PAK2: variants seen among roughly 807,000 people sequenced by gnomAD.
PAK2 encodes serine/threonine-protein kinase PAK 2.
PAK2 carries 21 observed loss-of-function variants against 65.9 expected under a neutral mutation model. The observed-to-expected ratio is 0.32, with a 90% CI of 0.23 to 0.46. The LOEUF (loss-of-function observed/expected upper bound fraction) is 0.46, where lower values mean the gene tolerates loss of function less well. PAK2 is among the 20% of genes least tolerant of loss of function. PAK2 has a pLI of 1.00. For missense variants in PAK2, 324 were observed against 642.6 expected (o/e 0.50, Z 5.36); for synonymous variants, 204 against 219.7 (o/e 0.93, Z 0.63).
chr3:196,811,314 CTTT>C (rs1560113867), intron 8 of PAK2, among the ~76,000 whole-genome samples: 1 of 17,036 alleles, frequency 5.9e-5, no homozygotes, highest in Non-Finnish European at 1.1e-4. Context: ...CCTTCCCTTC[CTTT>C]CCTTCCTTCC....
intron 1 of PAK2, among the ~76,000 whole-genome samples, chr3:196,753,808 T>G (rs1219992500): frequency 6.6e-6 from 1 of 152,232 alleles, no homozygotes; most frequent in East Asian, 1.9e-4. Context: ...TAAAAATATT[T>G]TGACAGATTC....
chr3:196,747,663 A>G (rs991350775), intron 1 of PAK2, among the ~76,000 whole-genome samples: 1 of 152,208 alleles, frequency 6.6e-6, no homozygotes, highest in Non-Finnish European at 1.5e-5. Context: ...ACAGAGTTTT[A>G]TACATAACCT....
At chr3:196,751,804 G>A (rs531465502) in intron 1 of PAK2, among the ~76,000 whole-genome samples, 28 of 139,616 alleles carry the variant, frequency 2.0e-4, no homozygotes, top group Admixed American at 3.0e-4. Context: ...GTACAATGGC[G>A]CAGTCTCAGC....
At chr3:196,790,746 C>T (rs144436819) in intron 2 of PAK2, among the ~76,000 whole-genome samples, 1 of 152,300 alleles carries the variant, frequency 6.6e-6, no homozygotes, top group Non-Finnish European at 1.5e-5. Flanking sequence ...CAACCATCGG[C>T]CTCAACTAGC....
At chr3:196,814,798 T>A (rs1715940533) in intron 11 of PAK2, among the ~76,000 whole-genome samples, 1 of 152,162 alleles carries the variant, frequency 6.6e-6, no homozygotes, top group African/African-American at 2.4e-5. Flanking sequence ...AAGATCCAGA[T>A]TCACAAGGAA....
chr3:196,783,830 C>G (rs1314402923), intron 2 of PAK2, among the ~76,000 whole-genome samples: 1 of 152,120 alleles, frequency 6.6e-6, no homozygotes, highest in East Asian at 1.9e-4. Context: ...ATTATGCTGT[C>G]TGCATTTTTT....
intron 1 of PAK2, among the ~76,000 whole-genome samples, chr3:196,777,505 A>G (rs1381827460): frequency 6.6e-6 from 1 of 152,216 alleles, no homozygotes; most frequent in Non-Finnish European, 1.5e-5. Context: ...TGCCCAGCCA[A>G]AAACTTGTTT....
At chr3:196,740,907 A>G (rs936753424) in intron 1 of PAK2, among the ~76,000 whole-genome samples, 45 of 151,772 alleles carry the variant, frequency 3.0e-4, no homozygotes, top group African/African-American at 1.0e-3. Flanking sequence ...CTAATTCTTT[A>G]AAGATAAGTC....
In PAK2 at chr3:196,816,999, C is replaced by T. The variant is rs75931321; in HGVS notation, c.1054-1058C>T. Among the ~76,000 whole-genome samples the T allele has an allele frequency of 8.6e-3, 1,310 of 152,098 alleles. 13 individuals are homozygous for T. Among genetic ancestry groups the T allele is most frequent in the African/African-American group, 0.028 (1,178 of 41,492 alleles). ...GAACCAGGCCACCCAGAATCTTACC[C>T]GCTTCTCAGTGGCTCACATTGATTA... is the stretch of plus-strand genomic sequence containing the variant. On this transcript the variant is annotated intron_variant, in intron 11 of 14. Coordinates refer to ENST00000327134, the MANE Select transcript of PAK2 (RefSeq NM_002577.4).
chr3:196,803,111 A>C lies in PAK2; in HGVS notation c.383A>C (p.Lys128Thr). The change falls in exon 4 of 15, where the codon AAG (lysine) becomes ACG (threonine). Residue 128 changes from lysine to threonine, a missense_variant. This residue lies in a region of PAK2 where 20 missense variants were observed against 99.9 expected (regional missense o/e 0.20). Coordinates refer to ENST00000327134, the MANE Select transcript of PAK2 (RefSeq NM_002577.4). ...CCTCAGGCTGTGCTGGATGTCCTAA[A>C]GTTCTACGACTCCAACACAGTGAAG... ...KNPQAVLDVLKFYDSNTVKQK... is the reference protein window; with the variant it reads ...KNPQAVLDVLTFYDSNTVKQK... 4 of 1,602,428 alleles carry C rather than the reference A, an allele frequency of 2.5e-6. No homozygotes were observed. The highest frequency in any genetic ancestry group is 3.4e-6 in the Non-Finnish European group (4 of 1,174,282).
In PAK2 at chr3:196,801,235, G is replaced by A. The variant is rs146485881; in HGVS notation, c.188-692G>A. Among the ~76,000 whole-genome samples the A allele has an allele frequency of 2.4e-3, 371 of 152,302 alleles. 1 individual carries two copies. Among genetic ancestry groups the A allele is most frequent in the Non-Finnish European group, 4.6e-3 (310 of 68,034 alleles). The stretch of plus-strand genomic sequence containing the variant: ...CTGACTTCCTGATGAATGTAGCTGA[G>A]TGGAAATGGGGTTTGCTGTGTTTGC... On this transcript the variant is annotated intron_variant, in intron 2 of 14. Coordinates refer to ENST00000327134, the MANE Select transcript of PAK2 (RefSeq NM_002577.4).
chr3:196,827,617 T>G (rs1242690896), intron 14 of PAK2, among the ~76,000 whole-genome samples: 35 of 140,846 alleles, frequency 2.5e-4, no homozygotes, highest in Middle Eastern at 3.6e-3. Context: ...GTGGGGGGAG[T>G]GGGGAGGGAT....
At chr3:196,788,940 C>T (rs1714982346) in intron 2 of PAK2, among the ~76,000 whole-genome samples, 1 of 152,226 alleles carries the variant, frequency 6.6e-6, no homozygotes, top group South Asian at 2.1e-4. Context: ...TAGGCAGTGA[C>T]CAGGTCATAA....
intron 11 of PAK2, among the ~76,000 whole-genome samples, chr3:196,817,435 C>A (rs927578604): frequency 2.0e-5 from 3 of 151,944 alleles, no homozygotes; most frequent in African/African-American, 7.3e-5. Flanking sequence ...AGTGCAAGTT[C>A]CGCCTCCCAG....
chr3:196,805,319 A>T, intron 4 of PAK2, 33 bp from the exon 5 acceptor site: 1 of 1,241,344 alleles, frequency 8.1e-7, no homozygotes, highest in Non-Finnish European at 1.1e-6. Flanking sequence ...CTGTTTCTTG[A>T]ATTGCTAATG....
At chr3:196,786,499 T>G (rs1714895471) in intron 2 of PAK2, among the ~76,000 whole-genome samples, 1 of 152,196 alleles carries the variant, frequency 6.6e-6, no homozygotes, top group African/African-American at 2.4e-5. Flanking sequence ...TTTTGTTTTT[T>G]AAGAAATTTT....
At chr3:196,806,726 T>C (rs973971476) in intron 6 of PAK2, 40 bp downstream of exon 6, 6 of 1,175,448 alleles carry the variant, frequency 5.1e-6, no homozygotes, top group Non-Finnish European at 7.7e-6. Context: ...TGTGTGCACG[T>C]GTGTTTTAAA....
intron 11 of PAK2, among the ~76,000 whole-genome samples, chr3:196,817,437 G>A (rs1255391581): frequency 1.1e-4 from 17 of 151,986 alleles, no homozygotes; most frequent in Non-Finnish European, 1.9e-4. Context: ...TGCAAGTTCC[G>A]CCTCCCAGGT....
At position 196,778,554 on chromosome 3, in the gene PAK2, C is replaced by T. The variant is rs138558131; in HGVS notation, c.-21-4072C>T. 4.6e-5 allele frequency among the ~76,000 whole-genome samples: 7 copies of T among 152,294 alleles called. No individual in the cohort carries two copies. In the East Asian group the frequency reaches 9.6e-4, roughly 21 times the overall value. ...GTAGATTTCCTGTATACCTATCACC[C>T]GGCTTCCTCTAATGTTAACATCTTA... On this transcript the variant is annotated intron_variant, in intron 1 of 14. Coordinates refer to ENST00000327134, the MANE Select transcript of PAK2 (RefSeq NM_002577.4).
Sources: allele counts gnomAD v4.1 joint callset (sites outside exome capture counted in the v4.1 genomes callset), GRCh38; gene constraint gnomAD v4.1.1; regional missense constraint gnomAD v4.1.1; transcripts MANE v1.5; gene names NCBI Gene and HGNC (gene_info 2026-07-23, HGNC 2026-07-21).